The following FERRY3 variants were observed in gnomAD, a reference collection of about 807,000 sequenced individuals.
FERRY3 encodes the protein FERRY endosomal RAB5 effector complex subunit 3.
chr12:4,508,653 G>A, the FERRY3 span, among the ~76,000 whole-genome samples: 3 of 152,002 alleles, frequency 2.0e-5, no homozygotes, highest in South Asian at 2.1e-4. Flanking sequence ...GCTGAGGCAC[G>A]AGAATTGCTT....
At chr12:4,534,844 T>G in the FERRY3 span, among the ~76,000 whole-genome samples, 1 of 152,354 alleles carries the variant, frequency 6.6e-6, no homozygotes, top group South Asian at 2.1e-4. Context: ...TCAAAAGTCT[T>G]AACTCTTACG....
chr12:4,518,381 T>A, the FERRY3 span: 1 of 725,750 alleles, frequency 1.4e-6, no homozygotes. Flanking sequence ...AAAATGGGCC[T>A]TGCAACTTCC....
the FERRY3 span, among the ~76,000 whole-genome samples, chr12:4,498,854 A>G: frequency 6.6e-6 from 1 of 152,166 alleles, no homozygotes; most frequent in African/African-American, 2.4e-5. Context: ...CGCAGTTCAC[A>G]ATAGGGTTCA....
At chr12:4,490,046 T>G in the FERRY3 span, 1 of 564,908 alleles carries the variant, frequency 1.8e-6, no homozygotes, top group Non-Finnish European at 3.1e-6. Context: ...CCGATGTAAC[T>G]GCATGGCCAT....
At chr12:4,525,701 G>T in the FERRY3 span, 1 of 699,108 alleles carries the variant, frequency 1.4e-6, no homozygotes, top group Non-Finnish European at 2.3e-6. Context: ...ATAGAAATGT[G>T]TCCAGGAATG....
chr12:4,502,062 A>T, the FERRY3 span, among the ~76,000 whole-genome samples: 1 of 152,224 alleles, frequency 6.6e-6, no homozygotes, highest in African/African-American at 2.4e-5. The surrounding 1 kb of genome is among the most constrained non-coding windows in gnomAD (Gnocchi z 4.2). Context: ...AGATTCTCAC[A>T]GGGCTGACTT....
the FERRY3 span, among the ~76,000 whole-genome samples, chr12:4,516,741 A>G: frequency 6.6e-6 from 1 of 152,190 alleles, no homozygotes; most frequent in Admixed American, 6.5e-5. Context: ...AAGAATAGGT[A>G]ATAGACGATG....
At chr12:4,490,514 T>C in the FERRY3 span, 36 of 1,594,280 alleles carry the variant, frequency 2.3e-5, 1 homozygote, top group Admixed American at 4.6e-4. Context: ...TCTATTCAGA[T>C]AACATACCTG....
chr12:4,518,700 T>A, the FERRY3 span: 21 of 929,192 alleles, frequency 2.3e-5, no homozygotes, highest in African/African-American at 1.0e-4. Context: ...TCTATTATTT[T>A]AAAAAAATAA....
At chr12:4,518,926 C>T in the FERRY3 span, 2 of 1,320,932 alleles carry the variant, frequency 1.5e-6, no homozygotes, top group Admixed American at 5.0e-5. Context: ...TTGTCAAAAA[C>T]TTTTCTTAAA....
At chr12:4,490,652 T>C in the FERRY3 span, 4 of 1,324,944 alleles carry the variant, frequency 3.0e-6, no homozygotes, top group East Asian at 4.7e-5. Flanking sequence ...ACCAGTCACT[T>C]ACTGAAATTA....
the FERRY3 span, among the ~76,000 whole-genome samples, chr12:4,527,228 AAG>A: frequency 6.6e-6 from 1 of 152,184 alleles, no homozygotes; most frequent in Admixed American, 6.5e-5. Flanking sequence ...TGCTTAAAAA[AAG>A]AGCACATCTC....
At chr12:4,536,126 A>G in the FERRY3 span, 1 of 1,605,796 alleles carries the variant, frequency 6.2e-7, no homozygotes, top group Non-Finnish European at 8.5e-7. Context: ...CTAAGCACTG[A>G]CTTCCTACTT....
At chr12:4,495,751 T>G in the FERRY3 span, among the ~76,000 whole-genome samples, 1 of 152,208 alleles carries the variant, frequency 6.6e-6, no homozygotes, top group African/African-American at 2.4e-5. Flanking sequence ...AATACCCTGC[T>G]TTCTTGCTTT....
At chr12:4,534,815 G>T in the FERRY3 span, among the ~76,000 whole-genome samples, 1 of 152,160 alleles carries the variant, frequency 6.6e-6, no homozygotes, top group African/African-American at 2.4e-5. Context: ...ACTATTACAG[G>T]CTATTGCATA....
the FERRY3 span, chr12:4,490,596 T>C: frequency 8.7e-6 from 14 of 1,608,528 alleles, no homozygotes; most frequent in Admixed American, 5.0e-5. Context: ...AAACCTAAAA[T>C]AGAAAAACAG....
the FERRY3 span, among the ~76,000 whole-genome samples, chr12:4,508,451 T>C: frequency 6.6e-6 from 1 of 152,152 alleles, no homozygotes; most frequent in Non-Finnish European, 1.5e-5. Flanking sequence ...TTATAAGAAA[T>C]AATTAAATAC....
chr12:4,517,332 T>A, the FERRY3 span: 1 of 960,954 alleles, frequency 1.0e-6, no homozygotes. Flanking sequence ...TAAATAATTA[T>A]GCCTTAAGTT....
the FERRY3 span, among the ~76,000 whole-genome samples, chr12:4,509,876 CA>C: frequency 7.2e-6 from 1 of 139,658 alleles, no homozygotes; most frequent in Admixed American, 6.8e-5. Context: ...TCCTCACCAG[CA>C]ATGGAACAAA....
Sources: gnomAD v4.1 joint callset for allele counts (sites outside exome capture counted in the v4.1 genomes callset) on GRCh38, gnomAD v4.1.1 for gene constraint, Gnocchi (gnomAD v3.1) non-coding constraint, MANE v1.5 for transcripts, NCBI Gene and HGNC (gene_info 2026-07-23, HGNC 2026-07-21) for gene names.